The following TMC1 variants were observed in gnomAD, a reference collection of about 807,000 sequenced individuals.
TMC1 encodes transmembrane channel-like protein 1.
In TMC1, 84 loss-of-function variants were observed where a neutral mutation model predicts 105.8. The ratio of observed to expected loss-of-function variants is 0.79; its 90% CI spans 0.67 to 0.95. TMC1 has a LOEUF of 0.95. Among genes scored for constraint, TMC1 ranks in the 40% least tolerant of loss-of-function variants. The pLI, the probability that TMC1 is intolerant of heterozygous loss-of-function variation, is 0.00. For missense variants in TMC1, 817 were observed against 914.1 expected (o/e 0.89, Z 1.37); for synonymous variants, 315 against 311.5 (o/e 1.01, Z -0.12).
chr9:72,542,768 C>T (rs1034585554), intron 1 of TMC1, among the ~76,000 whole-genome samples: 4 of 151,860 alleles, frequency 2.6e-5, no homozygotes, highest in Non-Finnish European at 4.4e-5. Context: ...CAACCTCTGC[C>T]GCCCGGGTTC....
chr9:72,807,170 G>T (rs886149649), intron 18 of TMC1, among the ~76,000 whole-genome samples: 3 of 152,252 alleles, frequency 2.0e-5, no homozygotes, highest in African/African-American at 7.2e-5. Context: ...GGAGAATCAG[G>T]CAGGGAGGTT....
Position 72,601,226 on chromosome 9 carries a change from C to A in TMC1, c.-305-15142C>A, listed in dbSNP as rs1470636689. 3.3e-5 allele frequency among the ~76,000 whole-genome samples: 5 copies of A among 149,930 alleles called. No individual in the cohort carries two copies. The East Asian group carries it at 9.7e-4, about 29-fold the overall frequency. ...CACACACACACACACACACAAATTG[C>A]CAGGCATGGTGGCATATCCCTATAG... On this transcript the variant is annotated intron_variant, in intron 2 of 23. Transcript: ENST00000297784.
At chr9:72,653,994 A>G (rs573152035) in intron 5 of TMC1, among the ~76,000 whole-genome samples, 2 of 152,314 alleles carry the variant, frequency 1.3e-5, no homozygotes, top group South Asian at 4.1e-4. Context: ...GCTGAGTAGT[A>G]TTCTATTGTA....
intron 2 of TMC1, among the ~76,000 whole-genome samples, chr9:72,612,617 G>A (rs1220692593): frequency 6.6e-6 from 1 of 152,106 alleles, no homozygotes; most frequent in Non-Finnish European, 1.5e-5. Context: ...ATGTAGCTGT[G>A]TTTCAATAAA....
chr9:72,597,787 G>A (rs1824743129), intron 2 of TMC1, among the ~76,000 whole-genome samples: 1 of 152,156 alleles, frequency 6.6e-6, no homozygotes, highest in African/African-American at 2.4e-5. Flanking sequence ...TCTGTTCTCT[G>A]TCTTCCCTGA....
At chr9:72,523,994 T>A (rs1823360469) in intron 1 of TMC1, among the ~76,000 whole-genome samples, 1 of 152,166 alleles carries the variant, frequency 6.6e-6, no homozygotes, top group Non-Finnish European at 1.5e-5. Flanking sequence ...CCAAGGTCAG[T>A]CTTCTATTAC....
Position 72,816,127 on chromosome 9 carries a change from A to G in TMC1, c.1696-16A>G. ...CATGTGAGACGCTAATCCAATGAAC[A>G]TTGTGTCTCCTCTAGCCTTCATACA... On this transcript the variant is annotated splice_polypyrimidine_tract_variant and intron_variant, in intron 18 of 23. Coordinates refer to ENST00000297784, the MANE Select transcript of TMC1 (RefSeq NM_138691.3). 6.2e-7 allele frequency: 1 copy of G among 1,612,442 alleles called. No homozygotes were observed. The highest frequency in any genetic ancestry group is 8.5e-7 in the Non-Finnish European group (1 of 1,178,526).
chr9:72,687,489 T>A (rs4745193), intron 5 of TMC1, among the ~76,000 whole-genome samples: 77,791 of 151,904 alleles, frequency 0.51, 21,235 homozygotes, highest in African/African-American at 0.73. Context: ...TCCTGTGTAG[T>A]TTCAGTTGCA....
chr9:72,743,209 T>C (rs376447595), intron 10 of TMC1, among the ~76,000 whole-genome samples: 4 of 150,280 alleles, frequency 2.7e-5, no homozygotes, highest in Non-Finnish European at 5.9e-5. Flanking sequence ...CTACTAAAAA[T>C]ACAAAAAATT....
At chr9:72,613,044 G>A (rs553705888) in intron 2 of TMC1, among the ~76,000 whole-genome samples, 87 of 151,976 alleles carry the variant, frequency 5.7e-4, no homozygotes, top group Non-Finnish European at 7.8e-4. Context: ...ATTGTTAGGA[G>A]CTGAGTTTTT....
chr9:72,742,406 A>T (rs765971881), intron 9 of TMC1, 38 bp from the exon 10 acceptor site: 8 of 1,512,664 alleles, frequency 5.3e-6, no homozygotes. Context: ...ACAAATCAAG[A>T]GGTTGGACTT....
intron 5 of TMC1, among the ~76,000 whole-genome samples, chr9:72,657,925 T>C (rs553646775): frequency 1.3e-5 from 2 of 152,342 alleles, no homozygotes; most frequent in Admixed American, 1.3e-4. Context: ...TTTTTAGTAC[T>C]AATTTAAATA....
At chr9:72,771,436 A>C (rs916870853) in intron 12 of TMC1, among the ~76,000 whole-genome samples, 1 of 151,998 alleles carries the variant, frequency 6.6e-6, no homozygotes, top group African/African-American at 2.4e-5. Context: ...CCCCCACTTC[A>C]CTTCCCTTCT....
intron 7 of TMC1, among the ~76,000 whole-genome samples, chr9:72,698,815 TGA>T (rs1564498440): frequency 2.6e-5 from 4 of 152,094 alleles, no homozygotes; most frequent in Admixed American, 2.6e-4. Flanking sequence ...GGAGAGGTGA[TGA>T]AGCTGGTTCT....
At chr9:72,595,748 C>T (rs1824707649) in intron 2 of TMC1, among the ~76,000 whole-genome samples, 1 of 149,538 alleles carries the variant, frequency 6.7e-6, no homozygotes, top group Non-Finnish European at 1.5e-5. Context: ...ACAGTCTTGG[C>T]TCACTGCAAC....
chr9:72,676,283 A>T (rs1826201348), intron 5 of TMC1, among the ~76,000 whole-genome samples: 1 of 152,124 alleles, frequency 6.6e-6, no homozygotes, highest in Non-Finnish European at 1.5e-5. Context: ...CTTATGGGAT[A>T]TTTCTACTTG....
At chr9:72,604,653 T>C (rs1824878649) in intron 2 of TMC1, among the ~76,000 whole-genome samples, 1 of 152,248 alleles carries the variant, frequency 6.6e-6, no homozygotes, top group Non-Finnish European at 1.5e-5. Context: ...CTATTCTCAA[T>C]GTCTGTAACA....
chr9:72,805,268 A>G, intron 17 of TMC1, 114 bp from the exon 18 acceptor site: 2 of 1,066,478 alleles, frequency 1.9e-6, no homozygotes, highest in Non-Finnish European at 2.8e-6. Flanking sequence ...TTCTTTTGCC[A>G]TTAATTGCAG....
At chr9:72,535,862 G>T (rs563805714) in intron 1 of TMC1, among the ~76,000 whole-genome samples, 205 of 152,248 alleles carry the variant, frequency 1.3e-3, no homozygotes, top group African/African-American at 3.8e-3. Context: ...CTTCTCATGG[G>T]AACTAATACA....
Sources: allele counts gnomAD v4.1 joint callset (sites outside exome capture counted in the v4.1 genomes callset), GRCh38; gene constraint gnomAD v4.1.1; transcripts MANE v1.5; gene names NCBI Gene and HGNC (gene_info 2026-07-23, HGNC 2026-07-21).